DNMT1: variants seen among roughly 807,000 people sequenced by gnomAD.
DNMT1 encodes the protein DNA (cytosine-5)-methyltransferase 1.
A neutral mutation model predicts 205.3 loss-of-function variants in DNMT1; 24 were observed. The observed-to-expected ratio is 0.12, with a 90% CI of 0.08 to 0.16. DNMT1 has a LOEUF of 0.16. DNMT1 is among the 10% of genes least tolerant of loss of function. DNMT1 has a pLI of 1.00. For missense variants in DNMT1, 1,293 were observed against 2,177.7 expected, an observed-to-expected ratio of 0.59 and a Z score of 8.09; for synonymous variants, 817 against 839.8, an observed-to-expected ratio of 0.97 and a Z score of 0.47.
chr19:10,189,043 G>T (rs1005016273), intron 1 of DNMT1, among the ~76,000 whole-genome samples: 28 of 152,030 alleles, frequency 1.8e-4, no homozygotes, highest in Non-Finnish European at 2.9e-4. Flanking sequence ...GGTAATAAAT[G>T]TATGTCCTTT....
chr19:10,133,517 A>G lies in DNMT1; in HGVS notation c.*150T>C. ...TTGATCACTAAATCATTAGTTGATA[A>G]GCGAACCTCACACAACAGCTTCATG... On this transcript the variant is annotated 3_prime_UTR_variant, in exon 41 of 41. Transcript: ENST00000359526. The surrounding 1 kb of genome is among the most constrained non-coding windows in gnomAD (Gnocchi z 4.1). The G allele has an allele frequency of 1.2e-6, 1 of 844,788 alleles. No homozygotes were observed. 52.3% of individuals were successfully genotyped at this position (844,788 alleles called of 1,614,324 possible).
chr19:10,142,132 A>C lies in DNMT1; in HGVS notation c.3205T>G (p.Phe1069Val). The change falls in exon 30 of 41, where the codon TTC (phenylalanine) becomes GTC (valine). Residue 1069 changes from phenylalanine to valine, a missense_variant. Phe to Val is a conservative substitution (Grantham distance 50, BLOSUM62 -1). Around this residue, in one of 13 missense-constraint regions of DNMT1, gnomAD observed 167 missense variants for 258.1 expected, o/e 0.65. Transcript: ENST00000359526. ...YWSDEEAVVD[F>V]KAVQGRCTVE... ...GTGCAGCGGCCCTGCACAGCCTTGAAGTCCACCACGGCCTCCTCGTCGCTC... is the reference window on the plus strand; with the variant it reads ...GTGCAGCGGCCCTGCACAGCCTTGACGTCCACCACGGCCTCCTCGTCGCTC... 1 of 1,614,022 alleles carries C rather than the reference A, an allele frequency of 6.2e-7. No individual in the cohort carries two copies.
chr19:10,136,083 G>C, intron 38 of DNMT1, 38 bp downstream of exon 38: 1 of 1,613,352 alleles, frequency 6.2e-7, no homozygotes, highest in South Asian at 1.1e-5. Flanking sequence ...CAAGTACAGG[G>C]CCTGACCCAG....
rs1419289846 is a variant in DNMT1 at position 10,149,507 on chromosome 19, G to T, written c.2532C>A (p.Ile844=). The stretch of plus-strand genomic sequence containing the variant: ...TGTAGATGACTTTCACTTTGCTGTG[G>T]ATATATGAAAGCTGCATGTCCTCAC... ...DECEDMQLSY[I]HSKVKVIYKA... is the part of the protein sequence containing the mutation. Residue 844 remains isoleucine, a synonymous_variant, in exon 26 of 41, where the codon ATC becomes ATA. Transcript: ENST00000359526. 6.2e-7 allele frequency: 1 copy of T among 1,614,112 alleles called. No homozygotes were observed. The highest frequency in any genetic ancestry group is 8.5e-7 in the Non-Finnish European group (1 of 1,180,012).
In DNMT1 at chr19:10,159,345, A is replaced by C. The variant is rs779123117; in HGVS notation, c.1280+313T>G. Among the ~76,000 whole-genome samples the C allele has an allele frequency of 1.3e-5, 2 of 152,102 alleles. No individual in the cohort carries two copies. Among genetic ancestry groups the C allele is most frequent in the African/African-American group, 2.4e-5 (1 of 41,424 alleles). Reference sequence around the variant, plus strand: ...ATTCTCCTGCCTAAGCCTCTCGAGTAGTTGGGATTACAGTCGCGTACCACC... The same window carrying C: ...ATTCTCCTGCCTAAGCCTCTCGAGTCGTTGGGATTACAGTCGCGTACCACC... On this transcript the variant is annotated intron_variant, in intron 17 of 40. Transcript: ENST00000359526. The surrounding 1 kb of genome is among the most constrained non-coding windows in gnomAD (Gnocchi z 5.0).
In DNMT1 at chr19:10,143,902, C is replaced by T. The variant is rs2145276224; in HGVS notation, c.2980G>A (p.Asp994Asn). The change falls in exon 29 of 41, where the codon GAC becomes AAC. Residue 994 changes from aspartate (D) to asparagine (N), a missense_variant. Asp to Asn is a conservative substitution (Grantham distance 23). Transcript: ENST00000359526. ...LYPEHYRKYS[D>N]YIKGSNLDAP... The stretch of plus-strand genomic sequence containing the variant: ...TCCAGGTTGCTGCCTTTGATGTAGT[C>T]GGAGTATTTCCGGTAGTGCTCTGGG... 1.2e-6 allele frequency: 2 copies of T among 1,614,134 alleles called. No homozygotes were observed. Among genetic ancestry groups the T allele is most frequent in the South Asian group, 1.1e-5 (1 of 91,074 alleles).
intron 6 of DNMT1, 85 bp from the exon 7 acceptor site, chr19:10,175,703 T>C (rs1305636084): frequency 1.5e-6 from 2 of 1,306,760 alleles, no homozygotes; most frequent in African/African-American, 1.5e-5. Flanking sequence ...TTCACCAGGA[T>C]GTTGAAAGAG....
At chr19:10,188,945 T>TC (rs1247964523) in intron 1 of DNMT1, among the ~76,000 whole-genome samples, 1 of 152,044 alleles carries the variant, frequency 6.6e-6, no homozygotes, top group Non-Finnish European at 1.5e-5. Context: ...AAACAGATTC[T>TC]CCCCTGGAGC....
At chr19:10,181,167 C>A (rs771797424) in intron 2 of DNMT1, among the ~76,000 whole-genome samples, 1 of 152,150 alleles carries the variant, frequency 6.6e-6, no homozygotes, top group South Asian at 2.1e-4. Context: ...AAGTGTCGGC[C>A]AGGCACAGTG....
At chr19:10,150,796 A>T (rs1413274395) in intron 24 of DNMT1, among the ~76,000 whole-genome samples, 1 of 152,172 alleles carries the variant, frequency 6.6e-6, no homozygotes, top group Non-Finnish European at 1.5e-5. Flanking sequence ...GCTCTCTTGG[A>T]AACAAGCTAT....
chr19:10,194,689 G>T, intron 1 of DNMT1, 131 bp downstream of exon 1: 1 of 1,276,720 alleles, frequency 7.8e-7, no homozygotes. Flanking sequence ...AACTGCCGCT[G>T]CGCGCCGCAC....
chr19:10,176,085 T>C (rs993891798), intron 6 of DNMT1, among the ~76,000 whole-genome samples: 5 of 151,944 alleles, frequency 3.3e-5, no homozygotes, highest in African/African-American at 1.2e-4. Flanking sequence ...GGAGAATCGC[T>C]TGAACCTGGG....
chr19:10,182,113 T>C (rs2039057855), intron 1 of DNMT1, 36 bp from the exon 2 acceptor site: 1 of 1,601,276 alleles, frequency 6.2e-7, no homozygotes, highest in African/African-American at 1.3e-5. Flanking sequence ...ATACAAACAC[T>C]TGTTAAGCAA....
intron 27 of DNMT1, among the ~76,000 whole-genome samples, chr19:10,148,541 A>G (rs1812118248): frequency 6.6e-6 from 1 of 152,134 alleles, no homozygotes; most frequent in Admixed American, 6.5e-5. Flanking sequence ...GAATCAAATA[A>G]GAGGTCTCAT....
intron 22 of DNMT1, among the ~76,000 whole-genome samples, chr19:10,152,629 C>T (rs769513058): frequency 3.3e-5 from 5 of 151,554 alleles, no homozygotes; most frequent in Admixed American, 1.3e-4. Context: ...GGCATGGTGG[C>T]GTGCACCTGT....
chr19:10,178,425 C>T (rs146415158), intron 5 of DNMT1, among the ~76,000 whole-genome samples: 29 of 152,070 alleles, frequency 1.9e-4, no homozygotes, highest in Non-Finnish European at 3.8e-4. Flanking sequence ...GGCGTGGTGG[C>T]GCATGCCTCC....
At chr19:10,160,124 C>T (rs553904373) in intron 14 of DNMT1, 61 bp from the exon 15 acceptor site, 10 of 1,605,008 alleles carry the variant, frequency 6.2e-6, no homozygotes, top group East Asian at 2.2e-5. Flanking sequence ...ATATCAAAAT[C>T]GCCCCTGTGA....
intron 1 of DNMT1, 30 bp downstream of exon 1, chr19:10,194,790 T>C (rs375294080): frequency 3.7e-6 from 6 of 1,602,422 alleles, no homozygotes; most frequent in Non-Finnish European, 4.3e-6. Flanking sequence ...CCTGTCCCCC[T>C]GAGTCCGTGT....
chr19:10,154,910 T>A lies in DNMT1; in HGVS notation c.1639A>T (p.Ile547Phe), dbSNP rs1269876059. ...DSTYEDLINK[I>F]ETTVPPSGLN... ...GAGGACCCTCGATCTCTTACCTCGA[T>A]CTTGTTGATCAGGTCCTCATAGGTC... is the stretch of plus-strand genomic sequence containing the variant. The change falls in exon 20 of 41, where the codon ATC (isoleucine) becomes TTC (phenylalanine). Residue 547 changes from isoleucine to phenylalanine, a missense_variant. This residue lies in a region of DNMT1 where 120 missense variants were observed against 315.9 expected (regional missense o/e 0.38). Coordinates refer to ENST00000359526, the MANE Select transcript of DNMT1 (RefSeq NM_001130823.3). The surrounding 1 kb of genome is among the most constrained non-coding windows in gnomAD (Gnocchi z 6.3). 1 of 1,614,196 alleles carries A rather than the reference T, an allele frequency of 6.2e-7. No individual in the cohort carries two copies. The highest frequency in any genetic ancestry group is 1.7e-5 in the Admixed American group (1 of 60,016).
Sources: allele counts gnomAD v4.1 joint callset (sites outside exome capture counted in the v4.1 genomes callset), GRCh38; gene constraint gnomAD v4.1.1; regional missense constraint gnomAD v4.1.1; non-coding constraint Gnocchi (gnomAD v3.1); transcripts MANE v1.5; gene names NCBI Gene and HGNC (gene_info 2026-07-23, HGNC 2026-07-21).